LOXL4: variants seen among roughly 807,000 people sequenced by gnomAD.
The protein encoded by LOXL4 is lysyl oxidase like 4.
LOXL4 carries 72 observed loss-of-function variants against 89.1 expected under a neutral mutation model. That is an observed-to-expected ratio of 0.81 (90% confidence interval 0.67 to 0.98). The LOEUF (loss-of-function observed/expected upper bound fraction) is 0.98. Among genes scored for constraint, LOXL4 ranks in the 50% least tolerant of loss-of-function variants. The pLI, the probability that LOXL4 is intolerant of heterozygous loss-of-function variation, is 0.00. For missense variants in LOXL4, 984 were observed against 1,017.5 expected (o/e 0.97, Z 0.45); for synonymous variants, 355 against 392.1 (o/e 0.91, Z 1.12).
At chr10:98,249,075 C>G (rs1308138892) in intron 14 of LOXL4, 84 bp from the exon 15 acceptor site, 2 of 1,045,128 alleles carry the variant, frequency 1.9e-6, no homozygotes, top group Non-Finnish European at 1.5e-6. Context: ...CCACTCTGCC[C>G]AGCTCATCCT....
At position 98,262,079 on chromosome 10, in the gene LOXL4, G is replaced by A. The variant is rs773727238; in HGVS notation, c.412C>T (p.Arg138Cys). The change falls in exon 3 of 15, where the codon CGT (arginine) becomes TGT (cysteine). Residue 138 changes from arginine to cysteine, a missense_variant. Coordinates refer to ENST00000260702, the MANE Select transcript of LOXL4 (RefSeq NM_032211.7). The part of the protein sequence containing the change: ...VGVICHPRRH[R>C]GYLSETVSNA... ...GAGACAGTTTCAGAAAGGTAGCCAC[G>A]ATGGCGCCGGGGGTGGCATATCACC... 33 of 1,611,896 alleles carry A rather than the reference G, an allele frequency of 2.0e-5. No homozygotes were observed. Among genetic ancestry groups the A allele is most frequent in the African/African-American group, 4.0e-5 (3 of 74,848 alleles).
rs141952804 is a variant in LOXL4, at chr10:98,251,694, G to A, written c.1960C>T (p.Arg654Trp). ...EDTNCPTGLQ[R>W]RYACANFGEQ... ...CCAAAGTTGGCACATGCGTAGCGCC[G>A]CTGCAGTCCTGTAAGGAAGGGGACA... is the stretch of plus-strand genomic sequence containing the variant. The change falls in exon 13 of 15, where the codon CGG (arginine) becomes TGG (tryptophan). Residue 654 changes from arginine (R) to tryptophan (W), a missense_variant. By Grantham distance (101) the Arg-to-Trp change is moderately radical (BLOSUM62 -3). Transcript: ENST00000260702. 148 of 1,614,138 alleles carry A rather than the reference G, an allele frequency of 9.2e-5. No individual in the cohort carries two copies. In the East Asian group the frequency reaches 2.4e-3, roughly 26 times the overall value.
At chr10:98,263,479 C>G (rs1048522244) in intron 1 of LOXL4, among the ~76,000 whole-genome samples, 1 of 152,134 alleles carries the variant, frequency 6.6e-6, no homozygotes, top group Non-Finnish European at 1.5e-5. Context: ...ATTTGAGTCA[C>G]GGGGATGCCC....
rs1218797311 is a variant in LOXL4 at position 98,257,732 on chromosome 10, A to G, written c.1178T>C (p.Leu393Pro). ...YERTLSDCPALEGSQNGCQHE... is the reference protein window; with the variant it reads ...YERTLSDCPAPEGSQNGCQHE... ...TTGGCAACCATTCTGGGACCCTTCCAGGGCAGGGCAGTCGCTGAGGGTCCG... is the reference window on the plus strand; with the variant it reads ...TTGGCAACCATTCTGGGACCCTTCCGGGGCAGGGCAGTCGCTGAGGGTCCG... The change falls in exon 8 of 15, where the codon CTG becomes CCG. Residue 393 changes from leucine (L) to proline (P), a missense_variant. By Grantham distance (98) the Leu-to-Pro change is moderately conservative. Transcript: ENST00000260702. 4 of 1,613,978 alleles carry G rather than the reference A, an allele frequency of 2.5e-6. No homozygotes were observed. Among genetic ancestry groups the G allele is most frequent in the Admixed American group, 1.7e-5 (1 of 59,992 alleles).
rs1374737004 is a variant in LOXL4, at chr10:98,253,697, C to G, written c.1691G>C (p.Cys564Ser). The change falls in exon 11 of 15, where the codon TGC becomes TCC. Residue 564 changes from cysteine (C) to serine (S), a missense_variant. Cys to Ser is a moderately radical substitution (Grantham distance 112). Transcript: ENST00000260702. ...CATGTGATCCGCAGACTTGGAGAGG[C>G]AGTTCTCCTCGTGGGCACAATACAG... ...SQLYCAHEENCLSKSADHMDW... is the reference protein window; with the variant it reads ...SQLYCAHEENSLSKSADHMDW... 1 of 1,614,244 alleles carries G rather than the reference C, an allele frequency of 6.2e-7. No individual in the cohort carries two copies. The highest frequency in any genetic ancestry group is 1.7e-5 in the Admixed American group (1 of 60,034).
intron 10 of LOXL4, among the ~76,000 whole-genome samples, chr10:98,254,042 G>C (rs984899338): frequency 1.3e-5 from 2 of 152,150 alleles, no homozygotes; most frequent in Non-Finnish European, 2.9e-5. Context: ...GGCCACCTGG[G>C]TTCATTCTTG....
intron 1 of LOXL4, among the ~76,000 whole-genome samples, chr10:98,263,732 C>CTT (rs372675359): frequency 9.4e-5 from 13 of 138,854 alleles, no homozygotes; most frequent in African/African-American, 1.1e-4. Flanking sequence ...TTCTTTCTTT[C>CTT]TTTTTTTTTT....
rs1590883395 is a variant in LOXL4, at chr10:98,260,979, A to G, written c.605T>C (p.Val202Ala). Residue 202 changes from valine (V) to alanine (A), a missense_variant, in exon 4 of 15, where the codon GTG (valine) becomes GCG (alanine). By Grantham distance (64) the Val-to-Ala change is moderately conservative. Coordinates refer to ENST00000260702, the MANE Select transcript of LOXL4 (RefSeq NM_032211.7). ...DQGWTMNNSRVVCGMLGFPSE... is the reference protein window; with the variant it reads ...DQGWTMNNSRAVCGMLGFPSE... ...GGGGAAGCCCAGCATCCCGCACACC[A>G]CCCTGCTGTTGTTCATGGTCCAGCC... The G allele has an allele frequency of 1.2e-6, 2 of 1,613,252 alleles. No individual in the cohort carries two copies. The highest frequency in any genetic ancestry group is 1.7e-6 in the Non-Finnish European group (2 of 1,179,896).
chr10:98,251,216 G>T, intron 13 of LOXL4, 40 bp from the exon 14 acceptor site: 1 of 1,427,130 alleles, frequency 7.0e-7, no homozygotes, highest in Non-Finnish European at 9.9e-7. Context: ...GGGTGATTTG[G>T]TTTCTGAATG....
chr10:98,259,481 C>G, intron 4 of LOXL4, 52 bp from the exon 5 acceptor site: 2 of 1,513,342 alleles, frequency 1.3e-6, no homozygotes, highest in Non-Finnish European at 1.8e-6. Flanking sequence ...AAGTCCCACC[C>G]CCTGCCACCT....
At chr10:98,252,227 C>T in intron 12 of LOXL4, 126 bp downstream of exon 12, 2 of 712,580 alleles carry the variant, frequency 2.8e-6, no homozygotes, top group Non-Finnish European at 4.8e-6. Flanking sequence ...TGAATGCTAA[C>T]TTTTCAAGCC....
At chr10:98,262,340 G>A in intron 2 of LOXL4, 127 bp from the exon 3 acceptor site, 1 of 945,936 alleles carries the variant, frequency 1.1e-6, no homozygotes, top group Non-Finnish European at 1.6e-6. Flanking sequence ...CAGGGAGGAG[G>A]AAGTTTGGGT....
chr10:98,264,027 G>A (rs576101531), intron 1 of LOXL4, among the ~76,000 whole-genome samples: 5 of 151,848 alleles, frequency 3.3e-5, no homozygotes, highest in African/African-American at 9.7e-5. Flanking sequence ...CACTGTGCCC[G>A]GCCCTGACTC....
At chr10:98,266,939 T>G (rs1316281113) in intron 1 of LOXL4, among the ~76,000 whole-genome samples, 3 of 151,796 alleles carry the variant, frequency 2.0e-5, no homozygotes, top group Non-Finnish European at 2.9e-5. Context: ...GCATCCTCCC[T>G]CAGAGAAGGA....
chr10:98,262,052 TG>T lies in LOXL4; in HGVS notation c.438del (p.Asn147MetfsTer28). The T allele has an allele frequency of 6.2e-7, 1 of 1,610,648 alleles. No homozygotes were observed. The highest frequency in any genetic ancestry group is 8.5e-7 in the Non-Finnish European group (1 of 1,178,510). The part of the protein sequence containing the change: ...RHRGYLSETV[S>X]NALGPQGRRL... ...CTCCTCACCTGGGGCCCAAGGGCAT[TG>T]GAGACAGTTTCAGAAAGGTAGCCAC... On this transcript the variant is annotated frameshift_variant, in exon 3 of 15. Coordinates refer to ENST00000260702, the MANE Select transcript of LOXL4 (RefSeq NM_032211.7). LOFTEE classifies it high-confidence loss of function.
chr10:98,262,831 A>G lies in LOXL4; in HGVS notation c.189T>C (p.Ala63=), dbSNP rs1858584364. Residue 63 remains alanine, a synonymous_variant, in exon 2 of 15, where the codon GCT becomes GCC. Coordinates refer to ENST00000260702, the MANE Select transcript of LOXL4 (RefSeq NM_032211.7). ...QWGTVCDDNF[A]IQEATVACRQ... ...GGCAAGCCACTGTGGCCTCCTGGAT[A>G]GCAAAGTTGTCATCACACACGGTGC... is the stretch of plus-strand genomic sequence containing the variant. The G allele has an allele frequency of 3.7e-6, 6 of 1,613,622 alleles. 1 individual carries two copies. The highest frequency in any genetic ancestry group is 3.3e-5 in the South Asian group (3 of 91,090).
In LOXL4 at chr10:98,258,043, A is replaced by G; in HGVS notation, c.1043T>C (p.Val348Ala). ...AGAGCCAAAGCCCAGCTGACGACAC[A>G]CGACACTGGCAGAGATGAGGTTCCA... ...HRWNLISASV[V>A]CRQLGFGSAR... The change falls in exon 7 of 15, where the codon GTG becomes GCG. Residue 348 changes from valine to alanine, a missense_variant. Transcript: ENST00000260702. 1 of 1,613,894 alleles carries G rather than the reference A, an allele frequency of 6.2e-7. No individual in the cohort carries two copies. The highest frequency in any genetic ancestry group is 8.5e-7 in the Non-Finnish European group (1 of 1,180,034).
rs780424742 is a variant in LOXL4 at position 98,251,106 on chromosome 10, T to G, written c.2159A>C (p.Lys720Thr). The G allele has an allele frequency of 3.1e-5, 50 of 1,614,064 alleles. No homozygotes were observed. The highest frequency in any genetic ancestry group is 4.2e-5 in the Non-Finnish European group (49 of 1,180,032). ...CAGCCAGACCCGGTGCCCATCATAC[T>G]TGCAGCGGCACTGCAGCATATTGTT... ...FSNNMLQCRC[K>T]YDGHRVWLHN... The change falls in exon 14 of 15, where the codon AAG becomes ACG. Residue 720 changes from lysine (K) to threonine (T), a missense_variant. Physicochemically the swap from Lys to Thr is moderately conservative, Grantham distance 78. Coordinates refer to ENST00000260702, the MANE Select transcript of LOXL4 (RefSeq NM_032211.7).
intron 5 of LOXL4, 49 bp downstream of exon 5, chr10:98,259,342 C>T (rs749660429): frequency 1.3e-5 from 21 of 1,604,386 alleles, no homozygotes; most frequent in Admixed American, 1.7e-5. Context: ...GATAGAGGCC[C>T]TTCATGCCAC....
Sources: gnomAD v4.1 joint callset for allele counts (sites outside exome capture counted in the v4.1 genomes callset) on GRCh38, gnomAD v4.1.1 for gene constraint, MANE v1.5 for transcripts, NCBI Gene and HGNC (gene_info 2026-07-23, HGNC 2026-07-21) for gene names.